Variants in RBFOX1 observed in about 807,000 individuals in gnomAD.
The protein encoded by RBFOX1 is RNA binding protein fox-1 homolog 1.
Under a neutral mutation model 57.7 loss-of-function variants are expected in RBFOX1, and 8 were observed. That is an observed-to-expected ratio of 0.14 (90% CI 0.08 to 0.25). The LOEUF is 0.25. RBFOX1 is among the 10% of genes least tolerant of loss of function. The pLI, the probability that RBFOX1 is intolerant of heterozygous loss-of-function variation, is 1.00. For synonymous variants in RBFOX1, 326 were observed against 222.4 expected, an observed-to-expected ratio of 1.47 and a Z score of -4.15; for missense variants, 611 against 548.5, an observed-to-expected ratio of 1.11 and a Z score of -1.14.
intron 5 of RBFOX1, among the ~76,000 whole-genome samples, chr16:7,524,646 C>A (rs1055042338): frequency 6.6e-6 from 1 of 152,170 alleles, no homozygotes; most frequent in African/African-American, 2.4e-5. Context: ...ATGTGGGTGC[C>A]CCAGCTAGGT....
At chr16:7,446,795 G>GTTTTT (rs1567209049) in intron 4 of RBFOX1, among the ~76,000 whole-genome samples, 7 of 128,134 alleles carry the variant, frequency 5.5e-5, no homozygotes, top group African/African-American at 1.8e-4. Flanking sequence ...GGTAGGTCTA[G>GTTTTT]GTATTTTTTT....
intron 4 of RBFOX1, among the ~76,000 whole-genome samples, chr16:5,926,801 A>G (rs1471517345): frequency 1.3e-5 from 2 of 152,204 alleles, no homozygotes; most frequent in Non-Finnish European, 2.9e-5. Context: ...TTTTAACAAT[A>G]ATAGAAAACA....
intron 3 of RBFOX1, among the ~76,000 whole-genome samples, chr16:6,784,419 G>C (rs995755643): frequency 4.6e-5 from 7 of 152,052 alleles, no homozygotes; most frequent in African/African-American, 1.7e-4. Context: ...GCATTTTTGT[G>C]TTGTTGATTG....
chr16:6,781,565 C>G (rs1233362074), intron 3 of RBFOX1, among the ~76,000 whole-genome samples: 2 of 152,054 alleles, frequency 1.3e-5, no homozygotes, highest in Non-Finnish European at 2.9e-5. Context: ...CTGGCCTTTT[C>G]TCTGGTGAGA....
intron 3 of RBFOX1, among the ~76,000 whole-genome samples, chr16:6,896,913 C>T (rs755707536): frequency 1.3e-5 from 2 of 152,082 alleles, no homozygotes; most frequent in African/African-American, 4.8e-5. Context: ...AAAAAAAATG[C>T]ATTTGGTGAA....
chr16:5,985,788 T>G (rs2060274430), intron 4 of RBFOX1, among the ~76,000 whole-genome samples: 1 of 152,128 alleles, frequency 6.6e-6, no homozygotes, highest in Non-Finnish European at 1.5e-5. Flanking sequence ...AGCAGTGTGA[T>G]GGAGAAAATG....
intron 1 of RBFOX1, among the ~76,000 whole-genome samples, chr16:6,182,521 T>C (rs1293613797): frequency 6.6e-6 from 1 of 152,226 alleles, no homozygotes; most frequent in Non-Finnish European, 1.5e-5. Context: ...GTCTACATTC[T>C]TATTGTAATT....
At chr16:7,386,201 C>G (rs1342605907) in intron 4 of RBFOX1, among the ~76,000 whole-genome samples, 1 of 152,084 alleles carries the variant, frequency 6.6e-6, no homozygotes, top group Admixed American at 6.6e-5. Flanking sequence ...TCTGCATCCC[C>G]CAAGTTCTTT....
chr16:6,212,472 G>A (rs61410660), intron 1 of RBFOX1, among the ~76,000 whole-genome samples: 5,473 of 152,136 alleles, frequency 0.036, 138 homozygotes, highest in Middle Eastern at 0.17. Context: ...TTGGGAGGCC[G>A]AGGTGGGCAG....
intron 2 of RBFOX1, among the ~76,000 whole-genome samples, chr16:6,554,248 G>A (rs1163470116): frequency 6.6e-6 from 1 of 152,106 alleles, no homozygotes; most frequent in East Asian, 1.9e-4. Context: ...AAAGAAGCTG[G>A]GCAGGAAGGC....
intron 4 of RBFOX1, among the ~76,000 whole-genome samples, chr16:7,066,966 A>G (rs947815146): frequency 6.6e-6 from 1 of 152,236 alleles, no homozygotes; most frequent in Non-Finnish European, 1.5e-5. Context: ...TTTTCATTCC[A>G]AAGACACATG....
At chr16:6,086,610 C>T (rs35476871) in intron 1 of RBFOX1, among the ~76,000 whole-genome samples, 650 of 152,206 alleles carry the variant, frequency 4.3e-3, no homozygotes, top group Non-Finnish European at 7.4e-3. Context: ...GGGCTGGGGG[C>T]GCATGCTTGG....
rs118155324 is a variant in RBFOX1, at chr16:7,165,127, G to T, written c.27+113029G>T. Among the ~76,000 whole-genome samples the T allele has an allele frequency of 8.5e-3, 1,289 of 152,176 alleles. 9 individuals carry two copies. The highest frequency in any genetic ancestry group is 0.014 in the Non-Finnish European group (977 of 68,006). ...ATCCTGTCAGTAGTCATCCATTTTC[G>T]CAGGTATCTGCTGGGTCCCTACTTG... On this transcript the variant is annotated intron_variant, in intron 4 of 15. Coordinates refer to ENST00000550418, the MANE Select transcript of RBFOX1 (RefSeq NM_018723.4).
intron 7 of RBFOX1, 78 bp downstream of exon 7, chr16:7,587,378 T>A (rs2094185558): frequency 1.5e-6 from 2 of 1,317,682 alleles, no homozygotes; most frequent in South Asian, 2.4e-5. Context: ...ACAACTGCAC[T>A]GTCTTAATCA....
chr16:7,615,611 T>G (rs970667496), intron 10 of RBFOX1, among the ~76,000 whole-genome samples: 3 of 152,064 alleles, frequency 2.0e-5, no homozygotes, highest in South Asian at 2.1e-4. Context: ...CACCAATGCT[T>G]TAGTTAACCC....
chr16:7,320,333 G>A (rs924187527), intron 4 of RBFOX1, among the ~76,000 whole-genome samples: 1 of 152,044 alleles, frequency 6.6e-6, no homozygotes, highest in African/African-American at 2.4e-5. Context: ...GGAGTGTCTG[G>A]TTTTCTGTTC....
chr16:5,797,290 G>T (rs2054910252), intron 3 of RBFOX1, among the ~76,000 whole-genome samples: 1 of 152,136 alleles, frequency 6.6e-6, no homozygotes, highest in African/African-American at 2.4e-5. Flanking sequence ...TAGACTTTCA[G>T]GACATCTTTG....
chr16:7,076,250 T>C (rs1050419035), intron 4 of RBFOX1, among the ~76,000 whole-genome samples: 2 of 151,882 alleles, frequency 1.3e-5, no homozygotes, highest in Non-Finnish European at 2.9e-5. Context: ...GCCAGGATGG[T>C]CTTGATCTCC....
chr16:6,929,583 G>A (rs1415064831), intron 3 of RBFOX1, among the ~76,000 whole-genome samples: 3 of 151,940 alleles, frequency 2.0e-5, no homozygotes, highest in African/African-American at 4.8e-5. Flanking sequence ...CATGGGGCCG[G>A]GGAAATTTAA....
Sources: gnomAD v4.1 joint callset for allele counts (sites outside exome capture counted in the v4.1 genomes callset) on GRCh38, gnomAD v4.1.1 for gene constraint, MANE v1.5 for transcripts, NCBI Gene and HGNC (gene_info 2026-07-23, HGNC 2026-07-21) for gene names.